The following CDH12 variants were observed in gnomAD, a reference collection of about 807,000 sequenced individuals.
CDH12 encodes the protein cadherin-12.
Under a neutral mutation model 74.1 loss-of-function variants are expected in CDH12, and 41 were observed. The observed-to-expected ratio is 0.55, with a 90% CI of 0.43 to 0.72. CDH12 has a LOEUF of 0.72. CDH12 is among the 30% of genes least tolerant of loss of function. CDH12 has a pLI of 0.00. For missense variants in CDH12, 945 were observed against 977.2 expected, an observed-to-expected ratio of 0.97 and a Z score of 0.44; for synonymous variants, 399 against 355.0, an observed-to-expected ratio of 1.12 and a Z score of -1.39.
intron 6 of CDH12, among the ~76,000 whole-genome samples, chr5:21,936,187 A>T (rs1755067251): frequency 6.6e-6 from 1 of 152,166 alleles, no homozygotes; most frequent in African/African-American, 2.4e-5. Context: ...CTTAAGGGTC[A>T]TACTAATGTA....
chr5:21,825,884 A>G (rs1748643559), intron 8 of CDH12, among the ~76,000 whole-genome samples: 1 of 152,270 alleles, frequency 6.6e-6, no homozygotes, highest in Admixed American at 6.5e-5. Context: ...CTTAGAAAAG[A>G]TCTGGATAAG....
intron 1 of CDH12, among the ~76,000 whole-genome samples, chr5:22,667,344 C>T (rs1740677757): frequency 6.6e-6 from 1 of 152,142 alleles, no homozygotes; most frequent in Admixed American, 6.5e-5. Flanking sequence ...CTCCTTCTTG[C>T]TAGACAGGTC....
At chr5:22,259,893 C>T (rs1270212558) in intron 3 of CDH12, among the ~76,000 whole-genome samples, 3 of 151,856 alleles carry the variant, frequency 2.0e-5, no homozygotes, top group Non-Finnish European at 4.4e-5. Flanking sequence ...AAAACATATA[C>T]AGAGATTACT....
At chr5:22,687,702 A>G (rs1741885033) in intron 1 of CDH12, among the ~76,000 whole-genome samples, 1 of 152,208 alleles carries the variant, frequency 6.6e-6, no homozygotes, top group Non-Finnish European at 1.5e-5. Flanking sequence ...GGCGTGAGCC[A>G]CTGTGCCTGG....
chr5:21,768,446 T>G (rs1417671953), intron 11 of CDH12, among the ~76,000 whole-genome samples: 1 of 151,844 alleles, frequency 6.6e-6, no homozygotes, highest in Non-Finnish European at 1.5e-5. Flanking sequence ...AAATAATAAA[T>G]TACCTAAATC....
At chr5:22,295,034 C>T (rs1446685448) in intron 3 of CDH12, among the ~76,000 whole-genome samples, 1 of 152,126 alleles carries the variant, frequency 6.6e-6, no homozygotes, top group African/African-American at 2.4e-5. Context: ...GCCTAATCAC[C>T]TTGACCAACC....
At chr5:22,755,740 C>T (rs1429976167) in intron 1 of CDH12, among the ~76,000 whole-genome samples, 1 of 152,042 alleles carries the variant, frequency 6.6e-6, no homozygotes, top group African/African-American at 2.4e-5. Context: ...GAAAATTTGG[C>T]AATATTACAT....
Position 22,483,763 on chromosome 5 carries a change from T to TATATATATATAA in CDH12, c.-428+21506_-428+21507insTTATATATATAT, listed in dbSNP as rs902754630. Among the ~76,000 whole-genome samples, 7 of 91,836 alleles carry TATATATATATAA rather than the reference T, an allele frequency of 7.6e-5. 1 individual carries two copies. Among genetic ancestry groups the TATATATATATAA allele is most frequent in the African/African-American group, 3.1e-4 (7 of 22,940 alleles). 60.2% of individuals were successfully genotyped at this position (91,836 alleles called of 152,430 possible). The stretch of plus-strand genomic sequence containing the variant: ...TCTTTCAAAACTATATATATATATA[T>TATATATATATAA]AAATTTAATTAATTGGGCATGGTGG... On this transcript the variant is annotated intron_variant, in intron 2 of 14. Coordinates refer to ENST00000382254, the MANE Select transcript of CDH12 (RefSeq NM_004061.5).
At chr5:22,482,825 T>C (rs1746436761) in intron 2 of CDH12, among the ~76,000 whole-genome samples, 1 of 152,156 alleles carries the variant, frequency 6.6e-6, no homozygotes, top group Non-Finnish European at 1.5e-5. Context: ...AAAAAATATA[T>C]ACCATTCACC....
intron 2 of CDH12, among the ~76,000 whole-genome samples, chr5:22,466,776 C>CTTTTTTTTTTTTTTTTT (rs70959733): frequency 3.9e-5 from 2 of 50,994 alleles, no homozygotes; most frequent in Non-Finnish European, 3.3e-5. Context: ...CCTCAGGAAT[C>CTTTTTTTTTTTTTTTTT]TTTTTTTTTT....
intron 3 of CDH12, among the ~76,000 whole-genome samples, chr5:22,326,326 C>A (rs906136490): frequency 6.6e-6 from 1 of 152,070 alleles, no homozygotes; most frequent in Non-Finnish European, 1.5e-5. Context: ...GCTCCGCCCC[C>A]CGGGGTTCAC....
chr5:22,178,286 T>C (rs1749449803), intron 4 of CDH12, among the ~76,000 whole-genome samples: 1 of 152,174 alleles, frequency 6.6e-6, no homozygotes. Flanking sequence ...AGAGATATCA[T>C]TGACTTAATT....
chr5:22,617,976 A>G (rs190069089), intron 1 of CDH12, among the ~76,000 whole-genome samples: 114 of 152,302 alleles, frequency 7.5e-4, no homozygotes, highest in South Asian at 1.7e-3. Context: ...AACTGAATAC[A>G]TAAGATAAAT....
At chr5:22,589,726 AT>A in intron 1 of CDH12, among the ~76,000 whole-genome samples, 1 of 152,120 alleles carries the variant, frequency 6.6e-6, no homozygotes, top group Non-Finnish European at 1.5e-5. Context: ...TCTTCCTGGC[AT>A]TTCAGTGTTA....
At chr5:22,168,300 A>C (rs1748811085) in intron 4 of CDH12, among the ~76,000 whole-genome samples, 1 of 152,030 alleles carries the variant, frequency 6.6e-6, no homozygotes, top group Admixed American at 6.6e-5. Context: ...TTCCGTTATT[A>C]CACTACTAGT....
At chr5:21,892,107 C>A (rs986269978) in intron 6 of CDH12, among the ~76,000 whole-genome samples, 5 of 152,096 alleles carry the variant, frequency 3.3e-5, no homozygotes, top group Admixed American at 2.6e-4. Context: ...AAATTCTGAT[C>A]ATTTTCAGTA....
At chr5:22,064,181 G>A (rs185187710) in intron 5 of CDH12, among the ~76,000 whole-genome samples, 2 of 152,230 alleles carry the variant, frequency 1.3e-5, no homozygotes, top group East Asian at 1.9e-4. Flanking sequence ...TTCATGGTAC[G>A]TGAAACACAC....
intron 1 of CDH12, among the ~76,000 whole-genome samples, chr5:22,793,056 A>T (rs1747998619): frequency 6.6e-6 from 1 of 152,170 alleles, no homozygotes; most frequent in African/African-American, 2.4e-5. Flanking sequence ...GTGCCTGGCA[A>T]TCACTTCTTC....
At chr5:22,212,816 A>G (rs899302968) in intron 3 of CDH12, 173 bp from the exon 4 acceptor site, 7 of 177,820 alleles carry the variant, frequency 3.9e-5, no homozygotes, top group African/African-American at 1.7e-4. Flanking sequence ...GATTAGCAAG[A>G]ACGCTCCGGG....
Sources: gnomAD v4.1 joint callset for allele counts (sites outside exome capture counted in the v4.1 genomes callset) on GRCh38, gnomAD v4.1.1 for gene constraint, MANE v1.5 for transcripts, NCBI Gene and HGNC (gene_info 2026-07-23, HGNC 2026-07-21) for gene names.